Variants in PAK5 observed in about 807,000 individuals in gnomAD.
PAK5 encodes p21 (RAC1) activated kinase 5.
A neutral mutation model predicts 65.9 loss-of-function variants in PAK5; 16 were observed. The observed-to-expected ratio is 0.24, with a 90% CI of 0.16 to 0.37. PAK5 has a LOEUF of 0.37. PAK5 is among the 10% of genes least tolerant of loss of function. PAK5 has a pLI of 1.00. For synonymous variants in PAK5, 371 were observed against 354.9 expected (o/e 1.05, Z -0.51); for missense variants, 785 against 903.9 (o/e 0.87, Z 1.69).
chr20:9,760,673 C>CCT (rs1176442232), intron 1 of PAK5, among the ~76,000 whole-genome samples: 16 of 122,798 alleles, frequency 1.3e-4, no homozygotes, highest in Non-Finnish European at 2.6e-4. Flanking sequence ...CTTTTCTTTT[C>CCT]TTTTTTTTTT....
At chr20:9,797,311 A>G (rs1367257998) in intron 1 of PAK5, among the ~76,000 whole-genome samples, 1 of 151,936 alleles carries the variant, frequency 6.6e-6, no homozygotes, top group Non-Finnish European at 1.5e-5. Context: ...GATGAGTAGA[A>G]TGCCATAAAA....
chr20:9,692,577 T>C (rs1363242997), intron 2 of PAK5, among the ~76,000 whole-genome samples: 1 of 152,186 alleles, frequency 6.6e-6, no homozygotes, highest in Non-Finnish European at 1.5e-5. Context: ...AAACAGATGA[T>C]TCAACATCAT....
chr20:9,599,100 T>C (rs1221275944), intron 3 of PAK5, among the ~76,000 whole-genome samples: 1 of 152,212 alleles, frequency 6.6e-6, no homozygotes, highest in Non-Finnish European at 1.5e-5. Context: ...AGCTTCCCCA[T>C]ATAAGTGAAA....
In PAK5 at chr20:9,776,460, AT is replaced by A. The variant is rs561641736; in HGVS notation, c.-162+62301del. ...GCTTTAAGTTATATCCACAAATTATATGATGCTCCTGTTTTCACTAAGTAGA... is the reference window on the plus strand; with the variant it reads ...GCTTTAAGTTATATCCACAAATTATAGATGCTCCTGTTTTCACTAAGTAGA... On this transcript the variant is annotated intron_variant, in intron 1 of 9. Coordinates refer to ENST00000353224, the MANE Select transcript of PAK5 (RefSeq NM_177990.4). 4.6e-3 allele frequency among the ~76,000 whole-genome samples: 703 copies of A among 152,324 alleles called. 6 individuals carry two copies. The highest frequency in any genetic ancestry group is 0.016 in the African/African-American group (653 of 41,564).
In PAK5 at chr20:9,831,206, G is replaced by T. The variant is rs558499421; in HGVS notation, c.-162+7556C>A. ...CATCTGCTTCCAAGCTGTTTTGGGG[G>T]GTGTGTGTGTGTGTGCGCGCGTGCG... On this transcript the variant is annotated intron_variant, in intron 1 of 9. Coordinates refer to ENST00000353224, the MANE Select transcript of PAK5 (RefSeq NM_177990.4). Among the ~76,000 whole-genome samples, 478 of 151,952 alleles carry T rather than the reference G, an allele frequency of 3.1e-3. 2 individuals are homozygous for T. Among genetic ancestry groups the T allele is most frequent in the African/African-American group, 9.4e-3 (390 of 41,486 alleles).
chr20:9,682,769 TATATTCACTTTG>T (rs1171078628), intron 2 of PAK5, among the ~76,000 whole-genome samples: 1 of 152,220 alleles, frequency 6.6e-6, no homozygotes, highest in Non-Finnish European at 1.5e-5. Flanking sequence ...TCTATGCCTA[TATATTCACTTTG>T]ATGGTCAAAG....
At chr20:9,780,864 T>A (rs1339710747) in intron 1 of PAK5, among the ~76,000 whole-genome samples, 1 of 152,132 alleles carries the variant, frequency 6.6e-6, no homozygotes, top group Non-Finnish European at 1.5e-5. Flanking sequence ...ATACATAAGT[T>A]ATTATTTTAT....
chr20:9,779,117 G>C (rs2048915611), intron 1 of PAK5, among the ~76,000 whole-genome samples: 1 of 152,052 alleles, frequency 6.6e-6, no homozygotes, highest in Admixed American at 6.6e-5. Context: ...AAATGGACAA[G>C]ATATGGCTTT....
intron 1 of PAK5, among the ~76,000 whole-genome samples, chr20:9,836,192 ATAATGT>A (rs1979134232): frequency 6.7e-6 from 1 of 150,288 alleles, no homozygotes; most frequent in Non-Finnish European, 1.5e-5. Context: ...TTATGCTAAC[ATAATGT>A]TAATGTTGTC....
At chr20:9,748,437 ATAC>A (rs2048534327) in intron 1 of PAK5, among the ~76,000 whole-genome samples, 1 of 152,130 alleles carries the variant, frequency 6.6e-6, no homozygotes, top group South Asian at 2.1e-4. Flanking sequence ...ACTTCAAACT[ATAC>A]TACAAGGCTA....
chr20:9,830,857 A>G (rs1413130150), intron 1 of PAK5, among the ~76,000 whole-genome samples: 1 of 152,240 alleles, frequency 6.6e-6, no homozygotes, highest in African/African-American at 2.4e-5. Flanking sequence ...TATGGGATGC[A>G]AAGAGAGGGA....
chr20:9,662,183 G>A (rs1331851260), intron 2 of PAK5, among the ~76,000 whole-genome samples: 1 of 152,112 alleles, frequency 6.6e-6, no homozygotes, highest in African/African-American at 2.4e-5. Flanking sequence ...ACCATGCATT[G>A]GGAGTTAATA....
At chr20:9,621,257 C>T (rs1194294692) in intron 3 of PAK5, among the ~76,000 whole-genome samples, 2 of 151,852 alleles carry the variant, frequency 1.3e-5, no homozygotes, top group African/African-American at 2.4e-5. Flanking sequence ...GAAAAAGAGA[C>T]TTAACATGCA....
At chr20:9,589,907 C>T (rs548690536) in intron 3 of PAK5, among the ~76,000 whole-genome samples, 41 of 152,068 alleles carry the variant, frequency 2.7e-4, no homozygotes, top group African/African-American at 8.5e-4. Context: ...TTAGGTTACT[C>T]ATAAAGGTAA....
At chr20:9,605,887 G>T (rs1216363617) in intron 3 of PAK5, among the ~76,000 whole-genome samples, 1 of 152,044 alleles carries the variant, frequency 6.6e-6, no homozygotes, top group Non-Finnish European at 1.5e-5. Context: ...CCGAGATGGC[G>T]CTACTGCACT....
At chr20:9,648,757 T>C (rs1239306445) in intron 2 of PAK5, among the ~76,000 whole-genome samples, 1 of 152,198 alleles carries the variant, frequency 6.6e-6, no homozygotes, top group African/African-American at 2.4e-5. Flanking sequence ...AAGCTTTTAA[T>C]CACTTGTGAG....
At chr20:9,740,159 C>T (rs1398694372) in intron 1 of PAK5, among the ~76,000 whole-genome samples, 1 of 152,146 alleles carries the variant, frequency 6.6e-6, no homozygotes, top group Non-Finnish European at 1.5e-5. Flanking sequence ...TAACAGCAAA[C>T]ACCTTAATTA....
chr20:9,828,306 T>C (rs949688928), intron 1 of PAK5, among the ~76,000 whole-genome samples: 24 of 152,368 alleles, frequency 1.6e-4, no homozygotes, highest in Middle Eastern at 3.4e-3. Flanking sequence ...TCAAATATTA[T>C]TGGCAAATTA....
chr20:9,545,779 C>G (rs1302378331), intron 7 of PAK5, among the ~76,000 whole-genome samples: 1 of 152,144 alleles, frequency 6.6e-6, no homozygotes, highest in Non-Finnish European at 1.5e-5. Context: ...ACCACAAGTA[C>G]TTCCAAACTC....
Sources: gnomAD v4.1 joint callset for allele counts (sites outside exome capture counted in the v4.1 genomes callset) on GRCh38, gnomAD v4.1.1 for gene constraint, MANE v1.5 for transcripts, NCBI Gene and HGNC (gene_info 2026-07-23, HGNC 2026-07-21) for gene names.